SLCO1A2: variants seen among roughly 807,000 people sequenced by gnomAD.
SLCO1A2 encodes the protein OATP-1.
In SLCO1A2, 67 loss-of-function variants were observed where a neutral mutation model predicts 69.0. The observed-to-expected ratio is 0.97, with a 90% confidence interval of 0.80 to 1.19. The LOEUF is 1.19. SLCO1A2 is among the 50% of genes most tolerant of loss of function. The pLI is 0.00. For missense variants in SLCO1A2, 787 were observed against 793.7 expected, an observed-to-expected ratio of 0.99 and a Z score of 0.10; for synonymous variants, 260 against 265.9, an observed-to-expected ratio of 0.98 and a Z score of 0.22.
chr12:21,415,097 G>T (rs12322891), intron 1 of SLCO1A2, among the ~76,000 whole-genome samples: 6,330 of 151,988 alleles, frequency 0.042, 172 homozygotes, highest in Non-Finnish European at 0.049. Flanking sequence ...TAACTGGTGA[G>T]TTCAGTCTAA....
At chr12:21,373,426 T>G in intron 2 of SLCO1A2, 11 of 1,610,086 alleles carry the variant, frequency 6.8e-6, no homozygotes, top group Non-Finnish European at 8.5e-6. Context: ...CTACACCCAT[T>G]GAAAGGTTGG....
At chr12:21,368,257 G>A (rs1565518926) in intron 2 of SLCO1A2, among the ~76,000 whole-genome samples, 1 of 152,102 alleles carries the variant, frequency 6.6e-6, no homozygotes, top group Non-Finnish European at 1.5e-5. Context: ...TACAAGTATA[G>A]AGGAAATGCA....
At chr12:21,380,234 T>C (rs2417977) in intron 1 of SLCO1A2, among the ~76,000 whole-genome samples, 29,387 of 152,172 alleles carry the variant, frequency 0.19, 3,468 homozygotes, top group Middle Eastern at 0.33. Context: ...GGATTTGTTA[T>C]TTAACATTAT....
At chr12:21,287,952 G>A in intron 12 of SLCO1A2, among the ~76,000 whole-genome samples, 1 of 129,580 alleles carries the variant, frequency 7.7e-6, no homozygotes, top group Admixed American at 8.3e-5. Flanking sequence ...CATGGCACAT[G>A]TATACATATG....
intron 1 of SLCO1A2, among the ~76,000 whole-genome samples, chr12:21,414,112 G>A (rs1941954203): frequency 2.0e-5 from 3 of 151,998 alleles, no homozygotes; most frequent in Non-Finnish European, 2.9e-5. Flanking sequence ...TTGGTCTGGC[G>A]GAACTATCTC....
intron 2 of SLCO1A2, among the ~76,000 whole-genome samples, chr12:21,360,162 G>GTGTAACGAGAT: frequency 6.6e-6 from 1 of 152,264 alleles, no homozygotes; most frequent in East Asian, 1.9e-4. Flanking sequence ...AAATGAGGAA[G>GTGTAACGAGAT]TGTAACGAGA....
In SLCO1A2 at chr12:21,297,536, T is replaced by G; in HGVS notation, c.943A>C (p.Asn315His). The G allele has an allele frequency of 6.3e-7, 1 of 1,589,288 alleles. No homozygotes were observed. Among genetic ancestry groups the G allele is most frequent in the Non-Finnish European group, 8.6e-7 (1 of 1,163,882 alleles). The change falls in exon 9 of 15, where the codon AAT becomes CAT. Residue 315 changes from asparagine (N) to histidine (H), a missense_variant. Asn to His is a moderately conservative substitution (Grantham distance 68, BLOSUM62 1). Transcript: ENST00000683939. Reference sequence around the variant, plus strand: ...AGTATGAAAAGCATATAAATTGGATTGCAGGAAAGACTTTTCATGAAAGGT... The same window carrying G: ...AGTATGAAAAGCATATAAATTGGATGGCAGGAAAGACTTTTCATGAAAGGT... Reference protein sequence around the residue: ...FLPFMKSLSCNPIYMLFILVS... With the variant: ...FLPFMKSLSCHPIYMLFILVS...
chr12:21,307,130 G>A, intron 4 of SLCO1A2, 142 bp from the exon 5 acceptor site: 1 of 533,654 alleles, frequency 1.9e-6, no homozygotes, highest in Non-Finnish European at 3.3e-6. Flanking sequence ...TGGCATCCAA[G>A]TTATCATAAG....
chr12:21,351,481 T>C (rs997657379), intron 2 of SLCO1A2, among the ~76,000 whole-genome samples: 4 of 152,108 alleles, frequency 2.6e-5, no homozygotes, highest in South Asian at 2.1e-4. Context: ...TAAATACTAC[T>C]AGTAAAATTT....
At chr12:21,323,029 A>G (rs1350794717) in intron 2 of SLCO1A2, among the ~76,000 whole-genome samples, 1 of 152,166 alleles carries the variant, frequency 6.6e-6, no homozygotes. Context: ...TTAGAGTCAA[A>G]AGACTTATAG....
Position 21,297,574 on chromosome 12 carries a change from A to G in SLCO1A2, c.911-6T>C. 1 of 1,556,032 alleles carries G rather than the reference A, an allele frequency of 6.4e-7. No homozygotes were observed. The highest frequency in any genetic ancestry group is 8.8e-7 in the Non-Finnish European group (1 of 1,142,062). On this transcript the variant is annotated splice_polypyrimidine_tract_variant and splice_region_variant and intron_variant, in intron 8 of 14. Coordinates refer to ENST00000683939, the MANE Select transcript of SLCO1A2 (RefSeq NM_001386879.1). ...TTTCATGAAAGGTAGAAAATCTGAA[A>G]TGAAAGAATGACAACTGTGTCAAAC...
chr12:21,275,610 GT>G (rs1024002758), intron 12 of SLCO1A2, among the ~76,000 whole-genome samples, 186 bp from the exon 13 acceptor site: 1 of 152,126 alleles, frequency 6.6e-6, no homozygotes, highest in African/African-American at 2.4e-5. Context: ...CCCATTTCTG[GT>G]CACTGGCACT....
chr12:21,358,263 C>G (rs1215538293), intron 2 of SLCO1A2, among the ~76,000 whole-genome samples: 1 of 152,126 alleles, frequency 6.6e-6, no homozygotes, highest in African/African-American at 2.4e-5. Flanking sequence ...AATCATTAAG[C>G]TTGCTAATTT....
At chr12:21,369,208 T>TCCTAA (rs951425315) in intron 2 of SLCO1A2, among the ~76,000 whole-genome samples, 133 of 152,342 alleles carry the variant, frequency 8.7e-4, no homozygotes, top group African/African-American at 3.0e-3. Flanking sequence ...ATGAATTATA[T>TCCTAA]CCTGACACTC....
At chr12:21,343,239 C>A (rs1010128408) in intron 2 of SLCO1A2, among the ~76,000 whole-genome samples, 2 of 152,244 alleles carry the variant, frequency 1.3e-5, no homozygotes, top group African/African-American at 2.4e-5. Context: ...TTTTCTCTGA[C>A]ATCTCCTTAG....
At chr12:21,373,688 C>T (rs999145854) in intron 2 of SLCO1A2, 1 of 701,700 alleles carries the variant, frequency 1.4e-6, no homozygotes. Flanking sequence ...ACTCTTGGAA[C>T]TTAGAGGGGC....
chr12:21,276,419 C>T (rs1463609124), intron 12 of SLCO1A2, among the ~76,000 whole-genome samples: 1 of 145,130 alleles, frequency 6.9e-6, no homozygotes, highest in South Asian at 2.1e-4. Context: ...CACACACACA[C>T]ACACAGACCT....
intron 1 of SLCO1A2, among the ~76,000 whole-genome samples, chr12:21,389,310 G>A (rs1190368101): frequency 6.6e-6 from 1 of 152,078 alleles, no homozygotes; most frequent in African/African-American, 2.4e-5. Context: ...CTGCCTACAC[G>A]TTTTTCTTTC....
chr12:21,300,714 A>G, intron 7 of SLCO1A2, 145 bp from the exon 8 acceptor site: 1 of 611,520 alleles, frequency 1.6e-6, no homozygotes, highest in East Asian at 2.9e-5. Context: ...TTTTCTAATA[A>G]TATGTGGTGT....
Sources: gnomAD v4.1 joint callset for allele counts (sites outside exome capture counted in the v4.1 genomes callset) on GRCh38, gnomAD v4.1.1 for gene constraint, MANE v1.5 for transcripts, NCBI Gene and HGNC (gene_info 2026-07-23, HGNC 2026-07-21) for gene names.